SLC1A1: variants seen among roughly 807,000 people sequenced by gnomAD.
SLC1A1 encodes the protein solute carrier family 1 member 1.
SLC1A1 carries 43 observed loss-of-function variants against 53.3 expected under a neutral mutation model. The observed-to-expected ratio is 0.81, with a 90% CI of 0.63 to 1.04. SLC1A1 has a LOEUF of 1.04. SLC1A1 is among the 50% of genes least tolerant of loss of function. The probability of loss-of-function intolerance (pLI) is 0.00; values close to 1 mark genes in which losing one functional copy is unlikely to be tolerated. For missense variants in SLC1A1, 748 were observed against 664.9 expected (o/e 1.12, Z -1.37); for synonymous variants, 307 against 243.2 (o/e 1.26, Z -2.44).
intron 1 of SLC1A1, among the ~76,000 whole-genome samples, chr9:4,529,193 G>A (rs1586716729): frequency 6.6e-6 from 1 of 152,156 alleles, no homozygotes; most frequent in East Asian, 1.9e-4. Context: ...CAATGAAGGA[G>A]TAAATCCTCC....
chr9:4,540,526 T>C (rs1194528923), intron 1 of SLC1A1, among the ~76,000 whole-genome samples: 2 of 152,176 alleles, frequency 1.3e-5, no homozygotes, highest in African/African-American at 2.4e-5. Context: ...ACACATGCCC[T>C]CTGGGCCTTC....
intron 1 of SLC1A1, among the ~76,000 whole-genome samples, chr9:4,535,094 C>G (rs1816623102): frequency 6.6e-6 from 1 of 152,092 alleles, no homozygotes; most frequent in Admixed American, 6.5e-5. Flanking sequence ...AACCCACAGC[C>G]AATATCATAC....
intron 1 of SLC1A1, among the ~76,000 whole-genome samples, chr9:4,518,334 G>A (rs1478516588): frequency 6.6e-6 from 1 of 150,384 alleles, no homozygotes; most frequent in African/African-American, 2.4e-5. Flanking sequence ...GTGGTGAAAA[G>A]GTTCTTCTAC....
intron 1 of SLC1A1, among the ~76,000 whole-genome samples, chr9:4,525,998 T>C (rs1298511215): frequency 6.6e-6 from 1 of 152,118 alleles, no homozygotes; most frequent in Non-Finnish European, 1.5e-5. Context: ...ATGTCTTATA[T>C]GCATATACTG....
intron 1 of SLC1A1, among the ~76,000 whole-genome samples, chr9:4,544,169 C>G (rs1490916545): frequency 6.6e-6 from 1 of 152,022 alleles, no homozygotes; most frequent in Admixed American, 6.5e-5. Context: ...GAGTGAGACC[C>G]TGTCTCAATA....
chr9:4,531,507 G>A (rs1429119645), intron 1 of SLC1A1, among the ~76,000 whole-genome samples: 2 of 152,166 alleles, frequency 1.3e-5, no homozygotes, highest in African/African-American at 4.8e-5. Flanking sequence ...CGAGACTGGG[G>A]GAGGGGCGCC....
intron 1 of SLC1A1, among the ~76,000 whole-genome samples, chr9:4,540,913 TAGG>T (rs1305763851): frequency 6.6e-6 from 1 of 152,110 alleles, no homozygotes; most frequent in Non-Finnish European, 1.5e-5. Flanking sequence ...CCCTTGAAAA[TAGG>T]AGAAGTTAAA....
rs1821623787 is a variant in SLC1A1 at position 4,587,114 on chromosome 9, T to G, written c.*1556T>G. 1 of 152,642 alleles carries G rather than the reference T, an allele frequency of 6.6e-6. No homozygotes were observed. Among genetic ancestry groups the G allele is most frequent in the African/African-American group, 2.4e-5 (1 of 41,454 alleles). The allele number at this position is 152,642 out of a possible 1,614,324, so 9.5% of individuals were successfully genotyped here. ...AGATAGCAGAAGAGTAGATAAGTGC[T>G]CAGTATTGACGACCTACATCTGAAA... On this transcript the variant is annotated 3_prime_UTR_variant, in exon 12 of 12. Transcript: ENST00000262352.
chr9:4,531,605 G>A lies in SLC1A1; in HGVS notation c.92-12962G>A, dbSNP rs956397008. Among the ~76,000 whole-genome samples the A allele has an allele frequency of 2.0e-5, 3 of 152,174 alleles. No individual in the cohort carries two copies. In the South Asian group the frequency reaches 6.2e-4, roughly 31 times the overall value. On this transcript the variant is annotated intron_variant, in intron 1 of 11. Coordinates refer to ENST00000262352, the MANE Select transcript of SLC1A1 (RefSeq NM_004170.6). ...CACTGCCCCTCAAGGAGGCCTGCCTGCCTCTGTACACTCCACCTCTAGGGG... is the reference window on the plus strand; with the variant it reads ...CACTGCCCCTCAAGGAGGCCTGCCTACCTCTGTACACTCCACCTCTAGGGG...
chr9:4,505,378 A>G (rs1820771080), intron 1 of SLC1A1, among the ~76,000 whole-genome samples: 1 of 152,070 alleles, frequency 6.6e-6, no homozygotes, highest in African/African-American at 2.4e-5. Context: ...CTGGATAGCA[A>G]TATAGGGTCT....
rs779667863 is a variant in SLC1A1, at chr9:4,583,191, A to G, written c.1328+19A>G. 1.4e-5 allele frequency: 23 copies of G among 1,614,036 alleles called. No homozygotes were observed. Among genetic ancestry groups the G allele is most frequent in the Non-Finnish European group, 1.9e-5 (23 of 1,180,026 alleles). Reference sequence around the variant, plus strand: ...GGCTCCTGTGAGTTGGAATAAATGCACTGCCTTAGCTGGATGTGCAGGCGG... The same window carrying G: ...GGCTCCTGTGAGTTGGAATAAATGCGCTGCCTTAGCTGGATGTGCAGGCGG... On this transcript the variant is annotated intron_variant, in intron 11 of 11. Coordinates refer to ENST00000262352, the MANE Select transcript of SLC1A1 (RefSeq NM_004170.6). The surrounding 1 kb of genome is among the most constrained non-coding windows in gnomAD (Gnocchi z 4.6).
At chr9:4,502,389 GAAA>G (rs775499017) in intron 1 of SLC1A1, among the ~76,000 whole-genome samples, 3 of 56,490 alleles carry the variant, frequency 5.3e-5, no homozygotes, top group Non-Finnish European at 8.8e-5. Context: ...CCTGTCTCCA[GAAA>G]AAAAAAAAAA....
In SLC1A1 at chr9:4,524,952, G is replaced by A. The variant is rs898440517; in HGVS notation, c.92-19615G>A. Among the ~76,000 whole-genome samples, 7 of 152,214 alleles carry A rather than the reference G, an allele frequency of 4.6e-5. No homozygotes were observed. In the South Asian group the frequency reaches 1.2e-3, roughly 27 times the overall value. ...CTCATGACCCCAAGGGCTCCCACTG[G>A]GCCCTGCCTTCCAATACTGCCACAG... On this transcript the variant is annotated intron_variant, in intron 1 of 11. Transcript: ENST00000262352.
intron 1 of SLC1A1, among the ~76,000 whole-genome samples, chr9:4,540,843 C>T (rs1816943002): frequency 6.6e-6 from 1 of 152,348 alleles, no homozygotes; most frequent in Non-Finnish European, 1.5e-5. Context: ...AAGTTGAGGA[C>T]ATCAAGGCTC....
intron 7 of SLC1A1, among the ~76,000 whole-genome samples, chr9:4,572,933 C>T (rs1212866514): frequency 6.6e-6 from 1 of 152,182 alleles, no homozygotes. Context: ...TGTCTTTTCC[C>T]TCAAAGCCTT....
intron 1 of SLC1A1, among the ~76,000 whole-genome samples, chr9:4,506,961 G>C (rs1192181443): frequency 2.0e-5 from 3 of 152,184 alleles, no homozygotes; most frequent in Non-Finnish European, 4.4e-5. Context: ...GCTGGCGGCA[G>C]TGGCTCACGC....
rs1554691056 is a variant in SLC1A1, at chr9:4,583,880, T to TCACA, written c.1328+709_1328+710insACAC. Among the ~76,000 whole-genome samples the TCACA allele has an allele frequency of 4.6e-5, 6 of 131,660 alleles. No homozygotes were observed. Among genetic ancestry groups the TCACA allele is most frequent in the African/African-American group, 2.0e-4 (6 of 29,964 alleles). 86.4% of individuals were successfully genotyped at this position (131,660 alleles called of 152,430 possible). On this transcript the variant is annotated intron_variant, in intron 11 of 11. Transcript: ENST00000262352. The surrounding 1 kb of genome is among the most constrained non-coding windows in gnomAD (Gnocchi z 4.6). ...CTCTCTCTCTCTCTCTCTCTCTCTCTCTCACACACACACACACACACACAC... is the reference window on the plus strand; with the variant it reads ...CTCTCTCTCTCTCTCTCTCTCTCTCTCACACTCACACACACACACACACACACAC...
intron 6 of SLC1A1, among the ~76,000 whole-genome samples, chr9:4,570,868 A>G (rs1470805680): frequency 6.6e-6 from 1 of 151,312 alleles, no homozygotes; most frequent in Non-Finnish European, 1.5e-5. Flanking sequence ...GTGAGCTATG[A>G]TCATGCCACT....
chr9:4,575,147 T>C lies in SLC1A1; in HGVS notation c.876-854T>C, dbSNP rs75480345. Among the ~76,000 whole-genome samples the C allele has an allele frequency of 3.4e-3, 516 of 152,346 alleles. 7 individuals carry two copies. Among genetic ancestry groups the C allele is most frequent in the African/African-American group, 0.012 (495 of 41,576 alleles). ...AACTAAAAGTCAGTTCCTCATGGTT[T>C]TTAGCTACAAGCTCTCTATCAAGAA... On this transcript the variant is annotated intron_variant, in intron 8 of 11. Coordinates refer to ENST00000262352, the MANE Select transcript of SLC1A1 (RefSeq NM_004170.6).
Sources: gnomAD v4.1 joint callset for allele counts (sites outside exome capture counted in the v4.1 genomes callset) on GRCh38, gnomAD v4.1.1 for gene constraint, Gnocchi (gnomAD v3.1) non-coding constraint, MANE v1.5 for transcripts, NCBI Gene and HGNC (gene_info 2026-07-23, HGNC 2026-07-21) for gene names.